Variants in DIS3 observed in about 807,000 individuals in gnomAD.
DIS3 encodes exosome complex exonuclease RRP44.
Under a neutral mutation model 113.0 loss-of-function variants are expected in DIS3, and 103 were observed. That is an observed-to-expected ratio of 0.91 (90% CI 0.78 to 1.07). The LOEUF is 1.07. Among genes scored for constraint, DIS3 ranks in the 50% least tolerant of loss-of-function variants. The pLI, the probability that DIS3 is intolerant of heterozygous loss-of-function variation, is 0.00. For missense variants in DIS3, 1,121 were observed against 1,167.1 expected, an observed-to-expected ratio of 0.96 and a Z score of 0.58; for synonymous variants, 402 against 394.3, an observed-to-expected ratio of 1.02 and a Z score of -0.23.
chr13:72,768,858 C>T lies in DIS3; in HGVS notation c.1810G>A (p.Asp604Asn). 6.2e-7 allele frequency: 1 copy of T among 1,607,614 alleles called. No individual in the cohort carries two copies. Among genetic ancestry groups the T allele is most frequent in the Non-Finnish European group, 8.5e-7 (1 of 1,174,650 alleles). ...CCACGGAGACTAGTGGTAATATCAT[C>T]ATTCATGTTTGCTGAATCAATTCTC... The part of the protein sequence containing the change: ...QLRIDSANMN[D>N]DITTSLRGLN... The change falls in exon 14 of 21, where the codon GAT (aspartate) becomes AAT (asparagine). Residue 604 changes from aspartate to asparagine, a missense_variant. By Grantham distance (23) the Asp-to-Asn change is conservative. Transcript: ENST00000377767.
Position 72,766,025 on chromosome 13 carries a change from G to C in DIS3, c.1917C>G (p.Phe639Leu), listed in dbSNP as rs777389552. 21 of 1,611,428 alleles carry C rather than the reference G, an allele frequency of 1.3e-5. No individual in the cohort carries two copies. The highest frequency in any genetic ancestry group is 2.7e-5 in the African/African-American group (2 of 74,848). The change falls in exon 15 of 21, where the codon TTC (phenylalanine) becomes TTG (leucine). Residue 639 changes from phenylalanine to leucine, a missense_variant. Phe to Leu is a conservative substitution (Grantham distance 22, BLOSUM62 0). Coordinates refer to ENST00000377767, the MANE Select transcript of DIS3 (RefSeq NM_014953.5). The stretch of plus-strand genomic sequence containing the variant: ...GATCGTGAGTTTCACTGTCCATGTG[G>C]AATCGAACTTCAGGAGAGGATAGAG... ...ALTLSSPEVR[F>L]HMDSETHDPI... is the part of the protein sequence containing the mutation.
At chr13:72,770,749 C>T (rs2033865736) in intron 13 of DIS3, among the ~76,000 whole-genome samples, 155 bp downstream of exon 13, 1 of 151,828 alleles carries the variant, frequency 6.6e-6, no homozygotes, top group Non-Finnish European at 1.5e-5. Flanking sequence ...AGTAAATATA[C>T]ATATAATTAT....
chr13:72,781,453 C>T, intron 1 of DIS3, 152 bp downstream of exon 1: 1 of 1,467,922 alleles, frequency 6.8e-7, no homozygotes, highest in Admixed American at 2.5e-5. Context: ...AGAACCTCGG[C>T]CTGGGGAACA....
At chr13:72,777,648 C>T (rs778326874) in intron 3 of DIS3, among the ~76,000 whole-genome samples, 155 bp from the exon 4 acceptor site, 60 of 152,070 alleles carry the variant, frequency 3.9e-4, no homozygotes, top group Non-Finnish European at 8.4e-4. Context: ...AGTGCAGCGG[C>T]GCAATTACAC....
chr13:72,767,979 G>A (rs1025796929), intron 14 of DIS3, among the ~76,000 whole-genome samples: 1 of 152,004 alleles, frequency 6.6e-6, no homozygotes, highest in African/African-American at 2.4e-5. Context: ...TATACCTTAC[G>A]CCTTTTGTAG....
chr13:72,760,445 A>G, intron 20 of DIS3, 84 bp downstream of exon 20: 1 of 1,550,340 alleles, frequency 6.5e-7, no homozygotes, highest in Non-Finnish European at 8.8e-7. Context: ...CTCTAACATT[A>G]AACAGAAATA....
chr13:72,755,259 G>A lies in DIS3; in HGVS notation c.*4536C>T, dbSNP rs192020181. ...CAAAGACTAAGCTTAAGAGTTCCTC[G>A]CATATATCGTTGTGCACAGGATCAA... is the stretch of plus-strand genomic sequence containing the variant. On this transcript the variant is annotated 3_prime_UTR_variant, in exon 21 of 21. Transcript: ENST00000377767. 2.2e-5 allele frequency: 33 copies of A among 1,512,616 alleles called. No individual in the cohort carries two copies. The highest frequency in any genetic ancestry group is 1.4e-4 in the East Asian group (6 of 44,344). The allele number at this position is 1,512,616 out of a possible 1,614,324, so 93.7% of individuals were successfully genotyped here.
rs2033366739 is a variant in DIS3, at chr13:72,754,140, A to G, written c.*5655T>C. The stretch of plus-strand genomic sequence containing the variant: ...ACTAGTCAGGACAGTCTTTAATTTT[A>G]TGTGCCAATTTTTTTTGCATTTTAT... On this transcript the variant is annotated 3_prime_UTR_variant, in exon 21 of 21. Coordinates refer to ENST00000377767, the MANE Select transcript of DIS3 (RefSeq NM_014953.5). 1 of 187,536 alleles carries G rather than the reference A, an allele frequency of 5.3e-6. No individual in the cohort carries two copies. Among genetic ancestry groups the G allele is most frequent in the Non-Finnish European group, 1.1e-5 (1 of 91,364 alleles). 11.6% of individuals were successfully genotyped at this position (187,536 alleles called of 1,614,324 possible). A position where few individuals can be genotyped will look rare whatever the true frequency, so the allele number is the denominator to read the frequency against.
intron 11 of DIS3, among the ~76,000 whole-genome samples, chr13:72,771,412 G>A (rs1353389580): frequency 6.6e-6 from 1 of 152,120 alleles, no homozygotes; most frequent in East Asian, 1.9e-4. Context: ...CGACCTAGCT[G>A]TCCTCTGAAA....
At chr13:72,777,394 T>A in intron 4 of DIS3, 26 bp downstream of exon 4, 7 of 1,610,644 alleles carry the variant, frequency 4.3e-6, no homozygotes, top group Non-Finnish European at 5.9e-6. Context: ...ATATTTTTAC[T>A]TTTCAAAAAC....
rs767020096 is a variant in DIS3, at chr13:72,774,090, T to C, written c.988-31A>G. 4 of 1,467,442 alleles carry C rather than the reference T, an allele frequency of 2.7e-6. No individual in the cohort carries two copies. The Admixed American group carries it at 6.1e-5, about 22-fold the overall frequency. The allele number at this position is 1,467,442 out of a possible 1,614,324, so 90.9% of individuals were successfully genotyped here. A position where few individuals can be genotyped will look rare whatever the true frequency, so the allele number is the denominator to read the frequency against. ...ATATAAAAATTAAAATGTTCAGTTA[T>C]ATTCCTCTAAGTATTATCAGGCAAT... On this transcript the variant is annotated intron_variant, in intron 6 of 20. Transcript: ENST00000377767.
Position 72,773,714 on chromosome 13 carries a change from A to T in DIS3, c.1209T>A (p.Asp403Glu). The part of the protein sequence containing the change: ...LEGRRIIVAI[D>E]GWPRNSRYPN... The stretch of plus-strand genomic sequence containing the variant: ...GATATCTGGAATTTCTGGGCCAACC[A>T]TCAATAGCAACAATAATTCTCCGTC... The change falls in exon 8 of 21, where the codon GAT (aspartate) becomes GAA (glutamate). Residue 403 changes from aspartate to glutamate, a missense_variant. Asp to Glu is a conservative substitution (Grantham distance 45, BLOSUM62 2). Around this residue, in one of 3 missense-constraint regions of DIS3, gnomAD observed 861 missense variants for 915.5 expected, o/e 0.94. Transcript: ENST00000377767. The T allele has an allele frequency of 6.2e-7, 1 of 1,612,554 alleles. No homozygotes were observed. The highest frequency in any genetic ancestry group is 8.5e-7 in the Non-Finnish European group (1 of 1,179,666).
rs1418647233 is a variant in DIS3 at position 72,754,296 on chromosome 13, A to T, written c.*5499T>A. The T allele has an allele frequency of 6.4e-6, 1 of 155,120 alleles. No homozygotes were observed. The highest frequency in any genetic ancestry group is 2.5e-5 in the African/African-American group (1 of 40,770). The allele number at this position is 155,120 out of a possible 1,614,324, so 9.6% of individuals were successfully genotyped here. On this transcript the variant is annotated 3_prime_UTR_variant, in exon 21 of 21. Transcript: ENST00000377767. ...CATGAGCCAACATGCCCAGCCTTGT[A>T]TGCCGTTTCTTTTTTTTCTTTTTTT...
intron 15 of DIS3, among the ~76,000 whole-genome samples, chr13:72,763,961 C>G (rs2033690018): frequency 6.6e-6 from 1 of 152,096 alleles, no homozygotes; most frequent in Non-Finnish European, 1.5e-5. Flanking sequence ...ACCAGTCTGG[C>G]CAACATGACG....
chr13:72,774,807 T>C (rs1434935202), intron 6 of DIS3, among the ~76,000 whole-genome samples: 1 of 152,146 alleles, frequency 6.6e-6, no homozygotes. Flanking sequence ...CCAAATATAA[T>C]GGCCCAGAAT....
Position 72,780,971 on chromosome 13 carries a change from A to G in DIS3, c.261T>C (p.Asn87=), listed in dbSNP as rs1351917087. The G allele has an allele frequency of 1.9e-6, 3 of 1,611,912 alleles. No individual in the cohort carries two copies. The highest frequency in any genetic ancestry group is 1.7e-6 in the Non-Finnish European group (2 of 1,179,554). ...GAAGAACTGTTTGTAGCACAATTAC[A>G]TTCCTGATGGCAGGGTCCTCAAGAA... ...IDVLEDPAIR[N]VIVLQTVLQE... The change falls in exon 2 of 21, where the codon AAT becomes AAC. Residue 87 remains asparagine (N), a synonymous_variant. Coordinates refer to ENST00000377767, the MANE Select transcript of DIS3 (RefSeq NM_014953.5).
chr13:72,772,585 A>G (rs1024400670), intron 9 of DIS3, 108 bp downstream of exon 9: 2 of 1,209,462 alleles, frequency 1.7e-6, no homozygotes, highest in Admixed American at 6.1e-5. Context: ...AAAATGCAGG[A>G]AAAGAGGGCC....
rs186971317 is a variant in DIS3 at position 72,772,541 on chromosome 13, T to C, written c.1386+152A>G. ...ACCCTTCAATGAAGAAGCAAATGAC[T>C]TCTTCTATAATTCCTAAGAATGCTA... On this transcript the variant is annotated intron_variant, in intron 9 of 20. Transcript: ENST00000377767. 2.1e-5 allele frequency: 18 copies of C among 865,952 alleles called. No individual in the cohort carries two copies. The African/African-American group carries it at 2.9e-4, about 14-fold the overall frequency. 53.6% of individuals were successfully genotyped at this position (865,952 alleles called of 1,614,324 possible).
In DIS3 at chr13:72,771,094, A is replaced by G. The variant is rs749990027; in HGVS notation, c.1657T>C (p.Cys553Arg). Residue 553 changes from cysteine (C) to arginine (R), a missense_variant, in exon 12 of 21, where the codon TGT (cysteine) becomes CGT (arginine). Cys to Arg is a radical substitution (Grantham distance 180). This residue lies in a region of DIS3 where 861 missense variants were observed against 915.5 expected (regional missense o/e 0.94). Coordinates refer to ENST00000377767, the MANE Select transcript of DIS3 (RefSeq NM_014953.5). ...LLSSNLCSLK[C>R]DVDRLAFSCI... is the part of the protein sequence containing the mutation. Reference sequence around the variant, plus strand: ...ATGCAGAAATACCTGTCCACGTCACATTTTAAGGAACACAAGTTAGAGCTA... The same window carrying G: ...ATGCAGAAATACCTGTCCACGTCACGTTTTAAGGAACACAAGTTAGAGCTA... The G allele has an allele frequency of 3.1e-6, 5 of 1,613,566 alleles. No homozygotes were observed. The highest frequency in any genetic ancestry group is 1.6e-4 in the Middle Eastern group (1 of 6,080).
Sources: gnomAD v4.1 joint callset for allele counts (sites outside exome capture counted in the v4.1 genomes callset) on GRCh38, gnomAD v4.1.1 for gene constraint, gnomAD v4.1.1 regional missense constraint, MANE v1.5 for transcripts, NCBI Gene and HGNC (gene_info 2026-07-23, HGNC 2026-07-21) for gene names.